SVOPL: variants seen among roughly 807,000 people sequenced by gnomAD.
The protein encoded by SVOPL is SVOP like, also known as putative transporter SVOPL.
In SVOPL, 60 loss-of-function variants were observed where a neutral mutation model predicts 61.0. The ratio of observed to expected loss-of-function variants is 0.98; its 90% confidence interval spans 0.80 to 1.22. The LOEUF is 1.22. Ranked by LOEUF, SVOPL falls within the 50% of genes most tolerant of loss-of-function variation. The pLI, the probability that SVOPL is intolerant of heterozygous loss-of-function variation, is 0.00. For missense variants in SVOPL, 662 were observed against 643.9 expected (o/e 1.03, Z -0.30); for synonymous variants, 279 against 250.0 (o/e 1.12, Z -1.09).
At chr7:138,681,227 A>G (rs1002858212) in intron 1 of SVOPL, among the ~76,000 whole-genome samples, 3 of 148,174 alleles carry the variant, frequency 2.0e-5, no homozygotes, top group Non-Finnish European at 4.5e-5. Context: ...AAATATTATT[A>G]TTATATAACA....
At chr7:138,615,340 G>A (rs1042023476) in intron 14 of SVOPL, among the ~76,000 whole-genome samples, 29 of 152,058 alleles carry the variant, frequency 1.9e-4, no homozygotes, top group Non-Finnish European at 3.2e-4. Flanking sequence ...GGCAGATCAC[G>A]AAGTCAGGAG....
chr7:138,678,279 C>T (rs907240330), intron 3 of SVOPL, among the ~76,000 whole-genome samples, 155 bp downstream of exon 3: 1 of 152,148 alleles, frequency 6.6e-6, no homozygotes, highest in African/African-American at 2.4e-5. Flanking sequence ...TCCTGCCTCC[C>T]TAAACGGTGC....
chr7:138,619,021 G>A (rs913129461), intron 14 of SVOPL, among the ~76,000 whole-genome samples: 3 of 152,124 alleles, frequency 2.0e-5, no homozygotes, highest in African/African-American at 7.2e-5. Flanking sequence ...CAAATGCCCA[G>A]GGAAAATGTT....
intron 1 of SVOPL, chr7:138,689,064 A>G: frequency 1.4e-6 from 1 of 728,964 alleles, no homozygotes; most frequent in Non-Finnish European, 2.6e-6. Flanking sequence ...CTTTAAGAAC[A>G]CTCATGACAC....
At chr7:138,666,575 C>T (rs549517971) in intron 4 of SVOPL, among the ~76,000 whole-genome samples, 2 of 152,310 alleles carry the variant, frequency 1.3e-5, no homozygotes, top group East Asian at 3.9e-4. Context: ...TGATTTACAA[C>T]CCAGACCACT....
chr7:138,695,656 C>T (rs1423388184), intron 1 of SVOPL, among the ~76,000 whole-genome samples: 2 of 151,974 alleles, frequency 1.3e-5, no homozygotes, highest in African/African-American at 4.8e-5. Context: ...ATTGAGACTT[C>T]AAAAGAAGTA....
At chr7:138,662,664 C>T (rs1021743983) in intron 5 of SVOPL, 2 of 1,008,266 alleles carry the variant, frequency 2.0e-6, no homozygotes, top group South Asian at 8.7e-5. Flanking sequence ...TGTGTGCCCC[C>T]ACTGATATCA....
intron 10 of SVOPL, 91 bp from the exon 11 acceptor site, chr7:138,628,454 G>T: frequency 7.4e-7 from 1 of 1,344,462 alleles, no homozygotes; most frequent in Non-Finnish European, 1.0e-6. Context: ...CGTGTAGCAT[G>T]TGGAAAGCAA....
chr7:138,654,505 T>TTG (rs1307597229), intron 7 of SVOPL, among the ~76,000 whole-genome samples: 1 of 148,056 alleles, frequency 6.8e-6, no homozygotes, highest in Admixed American at 6.7e-5. Flanking sequence ...AGTTTGTTTT[T>TTG]TTTTTTTTTT....
At chr7:138,651,642 A>G (rs1040832210) in intron 7 of SVOPL, among the ~76,000 whole-genome samples, 2 of 152,124 alleles carry the variant, frequency 1.3e-5, no homozygotes, top group African/African-American at 4.8e-5. Context: ...CTGTTATGGT[A>G]GTCTGTGACC....
chr7:138,611,577 C>T (rs1356101391), intron 14 of SVOPL, among the ~76,000 whole-genome samples: 1 of 152,072 alleles, frequency 6.6e-6, no homozygotes, highest in African/African-American at 2.4e-5. Flanking sequence ...GTGAAGTTCT[C>T]TGTCATCTTA....
At chr7:138,606,670 CA>C (rs1183495836) in intron 14 of SVOPL, among the ~76,000 whole-genome samples, 1 of 152,150 alleles carries the variant, frequency 6.6e-6, no homozygotes, top group African/African-American at 2.4e-5. Context: ...AAGAATTCTA[CA>C]GGCCAGGCAC....
intron 6 of SVOPL, among the ~76,000 whole-genome samples, chr7:138,659,106 T>C (rs549491170): frequency 6.6e-6 from 1 of 152,186 alleles, no homozygotes; most frequent in Non-Finnish European, 1.5e-5. Flanking sequence ...GAGGCTTCAT[T>C]TGCATGATAA....
chr7:138,693,279 A>G (rs936396235), intron 1 of SVOPL, among the ~76,000 whole-genome samples: 1 of 152,004 alleles, frequency 6.6e-6, no homozygotes, highest in African/African-American at 2.4e-5. Flanking sequence ...GCCAAGGCGG[A>G]AGGATTGTTT....
intron 14 of SVOPL, among the ~76,000 whole-genome samples, chr7:138,603,680 A>C (rs945311129): frequency 2.6e-5 from 4 of 152,090 alleles, no homozygotes; most frequent in African/African-American, 9.7e-5. Flanking sequence ...TAAAAAACAG[A>C]TTAGATGAAG....
At chr7:138,690,764 C>T (rs761822612) in intron 1 of SVOPL, among the ~76,000 whole-genome samples, 3 of 120,728 alleles carry the variant, frequency 2.5e-5, no homozygotes, top group Non-Finnish European at 5.5e-5. Flanking sequence ...GTACCCTTTT[C>T]TTTCTTTCTT....
chr7:138,634,323 T>C (rs757515313), intron 9 of SVOPL, among the ~76,000 whole-genome samples: 1 of 151,786 alleles, frequency 6.6e-6, no homozygotes. Flanking sequence ...CTGAGCAACA[T>C]AGCAAGACCT....
intron 1 of SVOPL, among the ~76,000 whole-genome samples, chr7:138,696,701 G>C (rs1246755475): frequency 6.6e-6 from 1 of 152,002 alleles, no homozygotes; most frequent in Non-Finnish European, 1.5e-5. Context: ...TAGGATTACA[G>C]GCGTGAGCCA....
intron 14 of SVOPL, among the ~76,000 whole-genome samples, chr7:138,606,093 C>T (rs780044948): frequency 5.3e-5 from 8 of 151,750 alleles, no homozygotes; most frequent in South Asian, 2.1e-4. Context: ...CGGTAGGAGC[C>T]GGGAACACAA....
Sources: allele counts gnomAD v4.1 joint callset (sites outside exome capture counted in the v4.1 genomes callset), GRCh38; gene constraint gnomAD v4.1.1; transcripts MANE v1.5; gene names NCBI Gene and HGNC (gene_info 2026-07-23, HGNC 2026-07-21).